Variants in NOL7 observed in about 807,000 individuals in gnomAD.
NOL7 encodes the protein U3 small nucleolar RNA-associated protein NOL7.
Under a neutral mutation model 38.4 loss-of-function variants are expected in NOL7, and 36 were observed. The observed-to-expected ratio is 0.94, with a 90% CI of 0.72 to 1.24. The LOEUF (loss-of-function observed/expected upper bound fraction) is 1.24, where lower values mean the gene tolerates loss of function less well. Ranked by LOEUF, NOL7 falls within the 50% of genes most tolerant of loss-of-function variation. The pLI is 0.00. For missense variants in NOL7, 350 were observed against 315.1 expected, an observed-to-expected ratio of 1.11 and a Z score of -0.84; for synonymous variants, 142 against 126.5, an observed-to-expected ratio of 1.12 and a Z score of -0.82.
Position 13,620,240 on chromosome 6 carries a change from AAGACCAAGATCTG to A in NOL7, c.537_549del (p.Asp179GlufsTer26). On this transcript the variant is annotated frameshift_variant, in exon 6 of 8. Coordinates refer to ENST00000451315, the MANE Select transcript of NOL7 (RefSeq NM_016167.5). LOFTEE classifies it high-confidence loss of function. The stretch of plus-strand genomic sequence containing the variant: ...AAAAGCTACTTGGCCGTAAGGCTAA[AAGACCAAGATCTG>A]AGAGATTCAAGGCAACAAGCAGCAC... The A allele has an allele frequency of 6.2e-7, 1 of 1,614,176 alleles. No individual in the cohort carries two copies. Among genetic ancestry groups the A allele is most frequent in the Non-Finnish European group, 8.5e-7 (1 of 1,180,026 alleles).
At chr6:13,625,317 G>T (rs368814390), downstream of NOL7, among the ~76,000 whole-genome samples, 19 of 152,144 alleles carry the variant, frequency 1.2e-4, no homozygotes, top group African/African-American at 4.3e-4. Flanking sequence ...TGGTAGGGTA[G>T]TATTTTGAAT....
At chr6:13,618,767 T>G (rs535710449) in intron 5 of NOL7, among the ~76,000 whole-genome samples, 1 of 152,134 alleles carries the variant, frequency 6.6e-6, no homozygotes, top group Non-Finnish European at 1.5e-5. Context: ...GGTGTGCACC[T>G]GTATTCCCAG....
intron 5 of NOL7, among the ~76,000 whole-genome samples, chr6:13,618,563 T>C (rs770117092): frequency 6.6e-6 from 1 of 152,122 alleles, no homozygotes; most frequent in Non-Finnish European, 1.5e-5. Context: ...ATATTTTAAT[T>C]AGTAGTAATT....
In NOL7 at chr6:13,615,843, T is replaced by G. The variant is rs533855466; in HGVS notation, c.327+71T>G. The stretch of plus-strand genomic sequence containing the variant: ...GGGAGAATTCCTATGGTGGATGTAA[T>G]TTGGGTTGGCAGGATATTGGAGTGG... On this transcript the variant is annotated intron_variant, in intron 2 of 7. Transcript: ENST00000451315. 6 of 1,473,154 alleles carry G rather than the reference T, an allele frequency of 4.1e-6. No individual in the cohort carries two copies. In the South Asian group the frequency reaches 7.7e-5, roughly 19 times the overall value. The allele number at this position is 1,473,154 out of a possible 1,614,324, so 91.3% of individuals were successfully genotyped here.
At chr6:13,624,677 A>C (rs150024103), downstream of NOL7, among the ~76,000 whole-genome samples, 1 of 152,366 alleles carries the variant, frequency 6.6e-6, no homozygotes, top group East Asian at 1.9e-4. Context: ...CAAACGCTAC[A>C]GTGAGCTGCT....
At chr6:13,631,104 G>A (rs563488191) in intron 8 of NOL7, among the ~76,000 whole-genome samples, 23 of 152,116 alleles carry the variant, frequency 1.5e-4, no homozygotes, top group South Asian at 1.2e-3. Flanking sequence ...CACCGCGCCC[G>A]GCCTGATTTG....
Position 13,615,502 on chromosome 6 carries a change from C to T in NOL7, c.144C>T (p.Pro48=), listed in dbSNP as rs1764251144. Residue 48 remains proline (P), a synonymous_variant, in exon 1 of 8, where the codon CCC becomes CCT. Coordinates refer to ENST00000451315, the MANE Select transcript of NOL7 (RefSeq NM_016167.5). ...CCAGCAGCGGCGCGGCCGCCGAGCC[C>T]CTGGAGGAAGACGAGGAAGGGGACG... ...GQPSSGAAAE[P]LEEDEEGDDE... 1.9e-6 allele frequency: 3 copies of T among 1,553,952 alleles called. No homozygotes were observed. Among genetic ancestry groups the T allele is most frequent in the East Asian group, 2.4e-5 (1 of 41,242 alleles).
At chr6:13,620,569 CT>C (rs1187802992) in intron 7 of NOL7, 84 bp downstream of exon 7, 7 of 1,349,548 alleles carry the variant, frequency 5.2e-6, no homozygotes, top group Non-Finnish European at 7.3e-6. Flanking sequence ...CATAATTATA[CT>C]TTTCCCCCTT....
downstream of NOL7, among the ~76,000 whole-genome samples, chr6:13,624,502 GAA>G (rs1764544834): frequency 6.6e-6 from 1 of 152,112 alleles, no homozygotes; most frequent in Non-Finnish European, 1.5e-5. Context: ...GAAGTCAAAT[GAA>G]AACTCACTCT....
In NOL7 at chr6:13,620,229, C is replaced by A. The variant is rs748367533; in HGVS notation, c.522C>A (p.Ala174=). Residue 174 remains alanine (A), a synonymous_variant, in exon 6 of 8, where the codon GCC becomes GCA. Transcript: ENST00000451315. The stretch of plus-strand genomic sequence containing the variant: ...ACAGCCAGAATAAAAGCTACTTGGC[C>A]GTAAGGCTAAAAGACCAAGATCTGA... The part of the protein sequence containing the change: ...QSVSQNKSYL[A]VRLKDQDLRD... The A allele has an allele frequency of 2.5e-6, 4 of 1,613,326 alleles. No individual in the cohort carries two copies. The highest frequency in any genetic ancestry group is 2.5e-6 in the Non-Finnish European group (3 of 1,179,782).
intron 5 of NOL7, 141 bp downstream of exon 5, chr6:13,618,280 G>A (rs554593121): frequency 2.5e-5 from 6 of 241,566 alleles, no homozygotes; most frequent in South Asian, 3.4e-4. Context: ...TCGCTCTGTC[G>A]CCCAGGCCGG....
At chr6:13,630,721 A>T (rs1452137745) in intron 8 of NOL7, among the ~76,000 whole-genome samples, 1 of 152,186 alleles carries the variant, frequency 6.6e-6, no homozygotes, top group African/African-American at 2.4e-5. Flanking sequence ...GGCACAAGAC[A>T]TGTGATACCA....
chr6:13,620,438 G>A lies in NOL7; in HGVS notation c.653G>A (p.Arg218Lys). 1 of 1,614,094 alleles carries A rather than the reference G, an allele frequency of 6.2e-7. No homozygotes were observed. The highest frequency in any genetic ancestry group is 8.5e-7 in the Non-Finnish European group (1 of 1,179,994). ...VNKFLSLANKRLPVKRAAVQF... is the reference protein window; with the variant it reads ...VNKFLSLANKKLPVKRAAVQF... ...AAGTTCCTGTCTCTTGCCAACAAGA[G>A]GTTACCAGTGAAAAGAGCTGCTGTC... Residue 218 changes from arginine to lysine, a missense_variant, in exon 7 of 8, where the codon AGG becomes AAG. Transcript: ENST00000451315.
At position 13,617,773 on chromosome 6, in the gene NOL7, C is replaced by G. The variant is rs945259082; in HGVS notation, c.390C>G (p.Ile130Met). 1.9e-6 allele frequency: 3 copies of G among 1,613,412 alleles called. No individual in the cohort carries two copies. Among genetic ancestry groups the G allele is most frequent in the African/African-American group, 2.7e-5 (2 of 74,856 alleles). ...TGGTTTTGTTTTTTTTCCTTAGCAT[C>G]AAGAAATCGCCAGGAAAGGTGAAAG... is the stretch of plus-strand genomic sequence containing the variant. ...EKLTTASQTN[I>M]KKSPGKVKEV... The change falls in exon 4 of 8, where the codon ATC becomes ATG. Residue 130 changes from isoleucine (I) to methionine (M), a missense_variant. By Grantham distance (10) the Ile-to-Met change is conservative. Coordinates refer to ENST00000451315, the MANE Select transcript of NOL7 (RefSeq NM_016167.5).
intron 3 of NOL7, among the ~76,000 whole-genome samples, 155 bp downstream of exon 3, chr6:13,616,676 A>AACGTT (rs1250876408): frequency 6.6e-6 from 1 of 152,260 alleles, no homozygotes; most frequent in Non-Finnish European, 1.5e-5. Flanking sequence ...AGACGGAGGT[A>AACGTT]ACGTTCTACT....
chr6:13,618,087 GA>G lies in NOL7; in HGVS notation c.453del (p.Gly152GlufsTer24), dbSNP rs779832921. On this transcript the variant is annotated frameshift_variant, in exon 5 of 8. Coordinates refer to ENST00000451315, the MANE Select transcript of NOL7 (RefSeq NM_016167.5). LOFTEE classifies it high-confidence loss of function. ...VNLQKKNEDC[E>X]KGNDSKKVKV... ...TTTGCAAAAGAAAAATGAAGACTGT[GA>G]AAAAGGAAATGACTCCAAGAAAGTT... 1.3e-6 allele frequency: 2 copies of G among 1,578,370 alleles called. No individual in the cohort carries two copies. Among genetic ancestry groups the G allele is most frequent in the African/African-American group, 1.4e-5 (1 of 73,894 alleles).
At chr6:13,627,630 C>CA (rs35401168) in intron 8 of NOL7, among the ~76,000 whole-genome samples, 11,154 of 61,964 alleles carry the variant, frequency 0.18, 405 homozygotes, top group Non-Finnish European at 0.22. Flanking sequence ...ACTCCATCTC[C>CA]AAAAAAAAAA....
chr6:13,622,290 A>G (rs901792801), downstream of NOL7: 7 of 1,349,706 alleles, frequency 5.2e-6, no homozygotes, highest in Admixed American at 1.7e-4. Flanking sequence ...CTAAATTTCA[A>G]ATCAGCAGAG....
At chr6:13,629,992 A>G (rs1288659765) in intron 8 of NOL7, among the ~76,000 whole-genome samples, 2 of 151,908 alleles carry the variant, frequency 1.3e-5, no homozygotes, top group Non-Finnish European at 2.9e-5. Flanking sequence ...TGCAAACCTA[A>G]AAACGATGCT....
Sources: gnomAD v4.1 joint callset for allele counts (sites outside exome capture counted in the v4.1 genomes callset) on GRCh38, gnomAD v4.1.1 for gene constraint, MANE v1.5 for transcripts, NCBI Gene and HGNC (gene_info 2026-07-23, HGNC 2026-07-21) for gene names.